The following SLC16A1 variants were observed in gnomAD, a reference collection of about 807,000 sequenced individuals.
SLC16A1 encodes solute carrier family 16 member 1, also known as monocarboxylate transporter 1.
In SLC16A1, 11 loss-of-function variants were observed where a neutral mutation model predicts 32.2. The ratio of observed to expected loss-of-function variants is 0.34; its 90% CI spans 0.21 to 0.56. SLC16A1 has a LOEUF of 0.56. Among genes scored for constraint, SLC16A1 ranks in the 20% least tolerant of loss-of-function variants. The pLI is 0.87. For missense variants in SLC16A1, 435 were observed against 615.0 expected (o/e 0.71, Z 3.10); for synonymous variants, 231 against 226.8 (o/e 1.02, Z -0.17).
chr1:112,941,680 A>G (rs1026594608), intron 1 of SLC16A1, among the ~76,000 whole-genome samples: 14 of 152,222 alleles, frequency 9.2e-5, no homozygotes, highest in African/African-American at 3.1e-4. Flanking sequence ...AAAGCTCGCA[A>G]TGCACACTTG....
At position 112,917,561 on chromosome 1, in the gene SLC16A1, ACCAAAGGTGCAAAGAGT is replaced by A; in HGVS notation, c.828_844del (p.Leu277ValfsTer3). Reference sequence around the variant, plus strand: ...ACTCTTCCCATAACTACTAAGAAACACCAAAGGTGCAAAGAGTCCAAAAAACATGATCACATTTCCAG... The same window carrying A: ...ACTCTTCCCATAACTACTAAGAAACACCAAAAAACATGATCACATTTCCAG... On this transcript the variant is annotated frameshift_variant, in exon 4 of 5. Transcript: ENST00000369626. LOFTEE classifies it high-confidence loss of function. The surrounding 1 kb of genome is among the most constrained non-coding windows in gnomAD (Gnocchi z 4.1). The A allele has an allele frequency of 1.2e-6, 2 of 1,614,212 alleles. No individual in the cohort carries two copies. Among genetic ancestry groups the A allele is most frequent in the Non-Finnish European group, 1.7e-6 (2 of 1,180,036 alleles).
At chr1:112,945,132 C>T (rs78027653) in intron 1 of SLC16A1, among the ~76,000 whole-genome samples, 16 of 151,490 alleles carry the variant, frequency 1.1e-4, no homozygotes, top group African/African-American at 3.4e-4. Context: ...CTAAATAGCT[C>T]GGATTACAGG....
At chr1:112,935,157 G>A (rs1047509667) in intron 1 of SLC16A1, among the ~76,000 whole-genome samples, 1 of 152,230 alleles carries the variant, frequency 6.6e-6, no homozygotes. Context: ...GCTTGTGCCT[G>A]TAATCCCAAC....
chr1:112,930,022 C>T (rs1227280808), intron 1 of SLC16A1, among the ~76,000 whole-genome samples: 2 of 152,166 alleles, frequency 1.3e-5, no homozygotes, highest in African/African-American at 4.8e-5. Context: ...TCACATGTAT[C>T]CTTTAAAGTA....
chr1:112,930,409 T>C (rs2101634663), intron 1 of SLC16A1, among the ~76,000 whole-genome samples: 1 of 152,132 alleles, frequency 6.6e-6, no homozygotes, highest in South Asian at 2.1e-4. Flanking sequence ...AAAAAAAAAG[T>C]GTTTTTCTCC....
intron 1 of SLC16A1, among the ~76,000 whole-genome samples, chr1:112,937,240 TTGAGTTTAG>T (rs1207232548): frequency 6.6e-6 from 1 of 152,236 alleles, no homozygotes; most frequent in Admixed American, 6.5e-5. Flanking sequence ...TGATTAAACT[TTGAGTTTAG>T]CTGCCAGCTA....
intron 1 of SLC16A1, among the ~76,000 whole-genome samples, chr1:112,930,464 A>G (rs182367894): frequency 2.4e-4 from 36 of 152,264 alleles, no homozygotes; most frequent in Admixed American, 1.1e-3. Flanking sequence ...ATTTTTTTTA[A>G]TGTTACTTAT....
In SLC16A1 at chr1:112,929,249, C is replaced by T; in HGVS notation, c.60G>A (p.Trp20Ter). 1 of 1,614,074 alleles carries T rather than the reference C, an allele frequency of 6.2e-7. No individual in the cohort carries two copies. ...AAATGAAAGCTCCAATTACCACTGC[C>T]CAGCCCCAGCCTCCATCTGGGGGGG... ...GYTPPDGGWG[W>*]AVVIGAFISI... Residue 20 changes from tryptophan (W) to a stop codon, truncating the protein, a stop_gained, in exon 2 of 5, where the codon TGG (tryptophan) becomes TGA (stop). Coordinates refer to ENST00000369626, the MANE Select transcript of SLC16A1 (RefSeq NM_003051.4). LOFTEE classifies it high-confidence loss of function.
At chr1:112,934,971 G>C (rs1649249414) in intron 1 of SLC16A1, among the ~76,000 whole-genome samples, 1 of 152,094 alleles carries the variant, frequency 6.6e-6, no homozygotes, top group Non-Finnish European at 1.5e-5. Context: ...AGGAACTATA[G>C]GCATAGCAAT....
intron 2 of SLC16A1, among the ~76,000 whole-genome samples, chr1:112,922,921 G>GT (rs1468462359): frequency 2.0e-5 from 3 of 151,830 alleles, no homozygotes; most frequent in Admixed American, 6.6e-5. Context: ...GTGGTGTTGT[G>GT]TTTTTTTTGA....
intron 4 of SLC16A1, among the ~76,000 whole-genome samples, chr1:112,916,327 G>A (rs986603248): frequency 4.7e-5 from 7 of 150,202 alleles, no homozygotes; most frequent in African/African-American, 1.2e-4. Context: ...TGGTGAAACC[G>A]TCTCTACTAA....
rs367807396 is a variant in SLC16A1 at position 112,943,588 on chromosome 1, G to A, written c.-45+12447C>T. 6.6e-5 allele frequency among the ~76,000 whole-genome samples: 10 copies of A among 151,392 alleles called. No individual in the cohort carries two copies. In the East Asian group the frequency reaches 9.9e-4, roughly 15 times the overall value. ...GGATCACCTGAGGTCAGGAGTTTGA[G>A]ACCAGCCTGGCCAACATGGCAAAAC... is the stretch of plus-strand genomic sequence containing the variant. On this transcript the variant is annotated intron_variant, in intron 1 of 4. Transcript: ENST00000369626.
At chr1:112,937,410 G>A (rs1373917949) in intron 1 of SLC16A1, among the ~76,000 whole-genome samples, 1 of 151,898 alleles carries the variant, frequency 6.6e-6, no homozygotes, top group Non-Finnish European at 1.5e-5. Context: ...TAAGAAATAA[G>A]AGCATGCAAA....
chr1:112,926,945 TAG>T (rs1377904334), intron 2 of SLC16A1, among the ~76,000 whole-genome samples: 1 of 149,010 alleles, frequency 6.7e-6, no homozygotes, highest in Non-Finnish European at 1.5e-5. Flanking sequence ...GCTTGGGCCA[TAG>T]AGTGAGACCC....
At chr1:112,941,463 A>T (rs966939348) in intron 1 of SLC16A1, among the ~76,000 whole-genome samples, 12 of 151,960 alleles carry the variant, frequency 7.9e-5, no homozygotes, top group African/African-American at 2.9e-4. Flanking sequence ...TTGTATTTTT[A>T]GTAGAGACGG....
intron 1 of SLC16A1, among the ~76,000 whole-genome samples, chr1:112,937,114 C>T (rs1649334194): frequency 6.6e-6 from 1 of 152,146 alleles, no homozygotes; most frequent in East Asian, 1.9e-4. Context: ...TTTCAAAGAA[C>T]CACTAAAAAG....
chr1:112,926,918 T>TA (rs60711635), intron 2 of SLC16A1, among the ~76,000 whole-genome samples: 47,105 of 145,378 alleles, frequency 0.32, 9,423 homozygotes, highest in African/African-American at 0.57. Flanking sequence ...TAAAAAAACT[T>TA]AAAAAAAAAA....
At chr1:112,926,454 A>G (rs1648944741) in intron 2 of SLC16A1, among the ~76,000 whole-genome samples, 1 of 152,138 alleles carries the variant, frequency 6.6e-6, no homozygotes, top group Admixed American at 6.5e-5. Context: ...GTAGTGGTAC[A>G]CACCTGCAGT....
At chr1:112,946,839 A>G (rs1393793103) in intron 1 of SLC16A1, among the ~76,000 whole-genome samples, 3 of 152,240 alleles carry the variant, frequency 2.0e-5, no homozygotes, top group East Asian at 1.9e-4. Context: ...GAACTTATCA[A>G]TCTTGTTTTC....
Sources: allele counts gnomAD v4.1 joint callset (sites outside exome capture counted in the v4.1 genomes callset), GRCh38; gene constraint gnomAD v4.1.1; non-coding constraint Gnocchi (gnomAD v3.1); transcripts MANE v1.5; gene names NCBI Gene and HGNC (gene_info 2026-07-23, HGNC 2026-07-21).